The following SND1 variants were observed in gnomAD, a reference collection of about 807,000 sequenced individuals.
SND1 encodes staphylococcal nuclease and tudor domain containing 1, also known as staphylococcal nuclease domain-containing protein 1.
Under a neutral mutation model 121.7 loss-of-function variants are expected in SND1, and 38 were observed. The observed-to-expected ratio is 0.31, with a 90% confidence interval of 0.24 to 0.41. The LOEUF is 0.41. Ranked by LOEUF, SND1 falls within the 10% of genes least tolerant of loss-of-function variation. SND1 has a pLI of 1.00. For synonymous variants in SND1, 401 were observed against 447.4 expected, an observed-to-expected ratio of 0.90 and a Z score of 1.31; for missense variants, 868 against 1,184.6, an observed-to-expected ratio of 0.73 and a Z score of 3.92.
intron 11 of SND1, among the ~76,000 whole-genome samples, chr7:127,827,137 G>A (rs368364680): frequency 9.9e-5 from 15 of 152,256 alleles, no homozygotes; most frequent in African/African-American, 3.6e-4. Context: ...GTTTAAACTT[G>A]GGGAAGCCAC....
intron 1 of SND1, 31 bp downstream of exon 1, chr7:127,652,482 T>G (rs371588554): frequency 1.3e-6 from 2 of 1,532,652 alleles, no homozygotes; most frequent in Non-Finnish European, 1.8e-6. Context: ...CCGACCCCTC[T>G]GCCTGCCTTC....
At chr7:127,664,534 T>C (rs933098485) in intron 1 of SND1, among the ~76,000 whole-genome samples, 1 of 152,224 alleles carries the variant, frequency 6.6e-6, no homozygotes, top group African/African-American at 2.4e-5. Flanking sequence ...TATTACCTTA[T>C]GTATCTCTTC....
chr7:127,865,302 C>T (rs772657400), intron 12 of SND1, among the ~76,000 whole-genome samples: 5 of 152,238 alleles, frequency 3.3e-5, no homozygotes, highest in African/African-American at 7.2e-5. Flanking sequence ...ATTTGAAGTT[C>T]GTTTAGGAAG....
chr7:127,745,075 A>T (rs552436216), intron 10 of SND1, among the ~76,000 whole-genome samples: 2 of 152,338 alleles, frequency 1.3e-5, no homozygotes, highest in Admixed American at 1.3e-4. Flanking sequence ...AAGTAGAAAG[A>T]TACTCATGGG....
intron 17 of SND1, among the ~76,000 whole-genome samples, chr7:128,077,203 C>A (rs939383357): frequency 1.2e-4 from 19 of 152,332 alleles, no homozygotes; most frequent in African/African-American, 4.6e-4. Context: ...GCCTTGCAAG[C>A]AGCAATGTTA....
intron 1 of SND1, among the ~76,000 whole-genome samples, chr7:127,682,288 A>G (rs1181053721): frequency 2.6e-5 from 4 of 152,014 alleles, no homozygotes; most frequent in African/African-American, 4.8e-5. Flanking sequence ...TGAGTCCCCA[A>G]TTTTCCTTCT....
intron 10 of SND1, among the ~76,000 whole-genome samples, chr7:127,760,672 C>A (rs1320823784): frequency 6.6e-6 from 1 of 152,232 alleles, no homozygotes; most frequent in Non-Finnish European, 1.5e-5. Context: ...ATACATTTCG[C>A]CTTTCTGCCT....
intron 1 of SND1, among the ~76,000 whole-genome samples, chr7:127,665,710 C>T (rs1158825463): frequency 6.6e-6 from 1 of 152,100 alleles, no homozygotes; most frequent in Non-Finnish European, 1.5e-5. Context: ...TGTTTCCAGT[C>T]TCTGAAATAA....
chr7:127,733,572 C>T (rs1248464971), intron 10 of SND1, among the ~76,000 whole-genome samples: 1 of 152,186 alleles, frequency 6.6e-6, no homozygotes, highest in Non-Finnish European at 1.5e-5. Context: ...CAAAGTTTTA[C>T]AAGGGCAAAT....
At chr7:127,806,133 TTAAAG>T (rs1258084721) in intron 10 of SND1, among the ~76,000 whole-genome samples, 2 of 152,204 alleles carry the variant, frequency 1.3e-5, no homozygotes, top group Non-Finnish European at 2.9e-5. Context: ...GAGGGAAACA[TTAAAG>T]TGAAGTATAC....
chr7:127,929,236 C>T lies in SND1; in HGVS notation c.1576C>T (p.Arg526Cys), dbSNP rs775832501. The change falls in exon 15 of 24, where the codon CGT (arginine) becomes TGT (cysteine). Residue 526 changes from arginine to cysteine, a missense_variant. By Grantham distance (180) the Arg-to-Cys change is radical. This residue lies in a region of SND1 where 743 missense variants were observed against 1,071.3 expected (regional missense o/e 0.69). Coordinates refer to ENST00000354725, the MANE Select transcript of SND1 (RefSeq NM_014390.4). ...CCTGCCTTTTCTTCAGCGGGCAGGT[C>T]GTTCTGAAGCTGTGGTGGAATACGT... ...QFLPFLQRAG[R>C]SEAVVEYVFS... The T allele has an allele frequency of 7.4e-6, 12 of 1,613,908 alleles. No individual in the cohort carries two copies. Among genetic ancestry groups the T allele is most frequent in the African/African-American group, 4.0e-5 (3 of 74,928 alleles).
chr7:127,809,615 G>A (rs1381572968), intron 11 of SND1, among the ~76,000 whole-genome samples: 2 of 152,194 alleles, frequency 1.3e-5, no homozygotes, highest in African/African-American at 4.8e-5. Context: ...GCACCACGAG[G>A]GAGCATGTGT....
In SND1 at chr7:127,967,733, G is replaced by T. The variant is rs898902100; in HGVS notation, c.1670-23214G>T. ...GCTTTTACATTAGTATACGGTTACT[G>T]TGCATTTGCCAGGAAACTATAGTTG... On this transcript the variant is annotated intron_variant, in intron 15 of 23. Transcript: ENST00000354725. Among the ~76,000 whole-genome samples the T allele has an allele frequency of 2.6e-5, 4 of 152,266 alleles. No individual in the cohort carries two copies. The South Asian group carries it at 8.3e-4, about 32-fold the overall frequency.
intron 11 of SND1, among the ~76,000 whole-genome samples, chr7:127,812,294 G>T (rs1798348089): frequency 6.6e-6 from 1 of 152,196 alleles, no homozygotes; most frequent in Admixed American, 6.5e-5. Flanking sequence ...TGGCTATCAG[G>T]AGGTGGTAAT....
intron 16 of SND1, among the ~76,000 whole-genome samples, chr7:128,069,987 A>G (rs1793380671): frequency 6.6e-6 from 1 of 152,214 alleles, no homozygotes; most frequent in African/African-American, 2.4e-5. Context: ...GCAAAGGTGC[A>G]GTCCAGGTAT....
chr7:127,721,842 G>A (rs1296968878), intron 10 of SND1, among the ~76,000 whole-genome samples: 3 of 152,204 alleles, frequency 2.0e-5, no homozygotes, highest in Admixed American at 6.5e-5. Flanking sequence ...CTTGGTATAT[G>A]TATTCACTGG....
chr7:128,066,494 A>G (rs547707736), intron 16 of SND1, among the ~76,000 whole-genome samples: 1 of 152,342 alleles, frequency 6.6e-6, no homozygotes, highest in East Asian at 1.9e-4. Flanking sequence ...TTGCCACAGT[A>G]GCACATGGAA....
chr7:127,984,922 C>T (rs1378661597), intron 15 of SND1, among the ~76,000 whole-genome samples: 1 of 152,216 alleles, frequency 6.6e-6, no homozygotes, highest in Non-Finnish European at 1.5e-5. Flanking sequence ...TGCTTATTGC[C>T]TCCTTCCTCT....
chr7:128,056,738 G>T (rs1310871832), intron 16 of SND1, among the ~76,000 whole-genome samples: 1 of 152,196 alleles, frequency 6.6e-6, no homozygotes, highest in Admixed American at 6.5e-5. Flanking sequence ...CTCAGTGGAT[G>T]CCTCAAACCA....
Sources: allele counts gnomAD v4.1 joint callset (sites outside exome capture counted in the v4.1 genomes callset), GRCh38; gene constraint gnomAD v4.1.1; regional missense constraint gnomAD v4.1.1; transcripts MANE v1.5; gene names NCBI Gene and HGNC (gene_info 2026-07-23, HGNC 2026-07-21).